Variants in CADM1 observed in about 807,000 individuals in gnomAD.
CADM1 encodes the protein cell adhesion molecule 1, also known as TSLC-1.
A neutral mutation model predicts 53.1 loss-of-function variants in CADM1; 15 were observed. The ratio of observed to expected loss-of-function variants is 0.28; its 90% CI spans 0.19 to 0.44. The LOEUF (loss-of-function observed/expected upper bound fraction) is 0.44, where lower values mean the gene tolerates loss of function less well. CADM1 is among the 20% of genes least tolerant of loss of function. The pLI, the probability that CADM1 is intolerant of heterozygous loss-of-function variation, is 1.00. For missense variants in CADM1, 434 were observed against 611.3 expected, an observed-to-expected ratio of 0.71 and a Z score of 3.06; for synonymous variants, 281 against 243.0, an observed-to-expected ratio of 1.16 and a Z score of -1.45.
At chr11:115,188,624 C>T (rs1939691190) in intron 10 of CADM1, among the ~76,000 whole-genome samples, 1 of 152,178 alleles carries the variant, frequency 6.6e-6, no homozygotes. Flanking sequence ...TACCCTGATG[C>T]AGCAGGGAAT....
At position 115,493,109 on chromosome 11, in the gene CADM1, G is replaced by A. The variant is rs189710742; in HGVS notation, c.124+11162C>T. On this transcript the variant is annotated intron_variant, in intron 1 of 11. Coordinates refer to ENST00000331581, the MANE Select transcript of CADM1 (RefSeq NM_001301043.2). Reference sequence around the variant, plus strand: ...GAAATAACTGATTCCAGGTATGGGGGCAGGAAAATACAATGTAAACATAGA... The same window carrying A: ...GAAATAACTGATTCCAGGTATGGGGACAGGAAAATACAATGTAAACATAGA... Among the ~76,000 whole-genome samples, 480 of 152,014 alleles carry A rather than the reference G, an allele frequency of 3.2e-3. 2 individuals carry two copies. Among genetic ancestry groups the A allele is most frequent in the African/African-American group, 0.011 (463 of 41,456 alleles).
intron 1 of CADM1, among the ~76,000 whole-genome samples, chr11:115,461,850 G>A (rs540833383): frequency 6.6e-6 from 1 of 152,108 alleles, no homozygotes; most frequent in Non-Finnish European, 1.5e-5. Context: ...AGCAGGAACA[G>A]CAGGTAGTTG....
Position 115,504,338 on chromosome 11 carries a change from C to T in CADM1, c.57G>A (p.Ala19=), listed in dbSNP as rs1949806210. 1 of 1,549,728 alleles carries T rather than the reference C, an allele frequency of 6.5e-7. No homozygotes were observed. Among genetic ancestry groups the T allele is most frequent in the Non-Finnish European group, 8.7e-7 (1 of 1,146,890 alleles). ...GSQCAAAAAA[A]APPGLRLRLL... ...GCCGGAGCCGGAGCCCGGGAGGCGC[C>T]GCCGCCGCCGCTGCCGCCGCACACT... The change falls in exon 1 of 12, where the codon GCG becomes GCA. Residue 19 remains alanine, a synonymous_variant. Coordinates refer to ENST00000331581, the MANE Select transcript of CADM1 (RefSeq NM_001301043.2).
chr11:115,378,383 C>G (rs1009679757), intron 1 of CADM1, among the ~76,000 whole-genome samples: 1 of 152,008 alleles, frequency 6.6e-6, no homozygotes, highest in African/African-American at 2.4e-5. Context: ...CCTGATTCTC[C>G]TTTGCCACAT....
intron 1 of CADM1, among the ~76,000 whole-genome samples, chr11:115,452,665 A>T (rs1430894292): frequency 6.6e-6 from 1 of 152,238 alleles, no homozygotes; most frequent in Non-Finnish European, 1.5e-5. Flanking sequence ...CCCTGCAAAC[A>T]TAGATGGAGA....
chr11:115,263,396 T>G (rs1027338424), intron 1 of CADM1, among the ~76,000 whole-genome samples: 19 of 152,256 alleles, frequency 1.2e-4, no homozygotes, highest in Admixed American at 1.2e-3. Flanking sequence ...GGGAAAATAC[T>G]TGGAGGCTGT....
intron 1 of CADM1, among the ~76,000 whole-genome samples, chr11:115,272,899 TA>T (rs550910959): frequency 2.1e-4 from 31 of 151,216 alleles, no homozygotes; most frequent in Non-Finnish European, 3.7e-4. Context: ...TAAAGTATAA[TA>T]AAAAAATTTA....
At chr11:115,440,944 A>G (rs1948295748) in intron 1 of CADM1, among the ~76,000 whole-genome samples, 1 of 151,762 alleles carries the variant, frequency 6.6e-6, no homozygotes, top group Admixed American at 6.6e-5. Context: ...ACACCTAACT[A>G]ATTTTTTTAA....
chr11:115,372,004 A>C (rs1946320478), intron 1 of CADM1, among the ~76,000 whole-genome samples: 1 of 152,226 alleles, frequency 6.6e-6, no homozygotes, highest in African/African-American at 2.4e-5. Flanking sequence ...CTTGGCAATG[A>C]GTTCATGTGA....
At chr11:115,260,784 T>C (rs939374704) in intron 1 of CADM1, among the ~76,000 whole-genome samples, 1 of 152,134 alleles carries the variant, frequency 6.6e-6, no homozygotes, top group Non-Finnish European at 1.5e-5. Flanking sequence ...TCCATTCTCC[T>C]GCCTCAGCCT....
chr11:115,443,549 T>C (rs558949425), intron 1 of CADM1, among the ~76,000 whole-genome samples: 8 of 152,326 alleles, frequency 5.3e-5, no homozygotes, highest in African/African-American at 1.9e-4. Context: ...ACCCACTGCA[T>C]GTAAAATTTT....
chr11:115,284,924 C>G (rs977870635), intron 1 of CADM1, among the ~76,000 whole-genome samples: 1 of 152,164 alleles, frequency 6.6e-6, no homozygotes, highest in Non-Finnish European at 1.5e-5. Context: ...GTTAAATGGA[C>G]TCTATCCAAG....
Position 115,387,907 on chromosome 11 carries a change from A to C in CADM1, c.124+116364T>G, listed in dbSNP as rs183730359. Reference sequence around the variant, plus strand: ...TCTAATACCTTTCTCCTCTAAAAAAAAAACAAACAAACAAACAAAACTACC... The same window carrying C: ...TCTAATACCTTTCTCCTCTAAAAAACAAACAAACAAACAAACAAAACTACC... On this transcript the variant is annotated intron_variant, in intron 1 of 11. Transcript: ENST00000331581. 5.5e-3 allele frequency among the ~76,000 whole-genome samples: 835 copies of C among 152,160 alleles called. 6 individuals carry two copies. Among genetic ancestry groups the C allele is most frequent in the Middle Eastern group, 0.02 (6 of 294 alleles).
intron 1 of CADM1, among the ~76,000 whole-genome samples, chr11:115,378,991 TA>T (rs796066315): frequency 4.1e-4 from 63 of 152,334 alleles, no homozygotes; most frequent in African/African-American, 1.4e-3. Context: ...TTTAGTAATT[TA>T]AAGAGGTTCC....
chr11:115,229,982 G>A (rs192182512), intron 4 of CADM1, among the ~76,000 whole-genome samples: 15 of 152,316 alleles, frequency 9.8e-5, no homozygotes, highest in Non-Finnish European at 2.1e-4. Context: ...CGGATGGAAT[G>A]AATAGGCCAA....
At chr11:115,490,528 A>G (rs1239307808) in intron 1 of CADM1, among the ~76,000 whole-genome samples, 4 of 151,278 alleles carry the variant, frequency 2.6e-5, no homozygotes, top group Non-Finnish European at 4.4e-5. Context: ...CCACCCGAGT[A>G]GCTGGGACTA....
chr11:115,311,308 G>A (rs1488094760), intron 1 of CADM1, among the ~76,000 whole-genome samples: 1 of 152,122 alleles, frequency 6.6e-6, no homozygotes, highest in African/African-American at 2.4e-5. Context: ...TGATTGTCAT[G>A]ACTAACATTT....
chr11:115,303,360 A>C (rs1944283595), intron 1 of CADM1, among the ~76,000 whole-genome samples: 2 of 152,054 alleles, frequency 1.3e-5, no homozygotes, highest in Non-Finnish European at 2.9e-5. Flanking sequence ...TGGCTGCCAC[A>C]GATCATATAA....
At chr11:115,400,655 GTGTGTGTATATATATATATATATATATA>G (rs1394857933) in intron 1 of CADM1, among the ~76,000 whole-genome samples, 3 of 62,462 alleles carry the variant, frequency 4.8e-5, no homozygotes, top group Non-Finnish European at 9.0e-5. Flanking sequence ...GTGTGTGTGT[GTGTGTGTATATATATATATATATATATA>G]TATATATATA....
Sources: allele counts gnomAD v4.1 joint callset (sites outside exome capture counted in the v4.1 genomes callset), GRCh38; gene constraint gnomAD v4.1.1; transcripts MANE v1.5; gene names NCBI Gene and HGNC (gene_info 2026-07-23, HGNC 2026-07-21).